The following USP7 variants were observed in gnomAD, a reference collection of about 807,000 sequenced individuals.
USP7 encodes ubiquitin C-terminal hydrolase 7.
A neutral mutation model predicts 162.9 loss-of-function variants in USP7; 9 were observed. The observed-to-expected ratio is 0.06, with a 90% CI of 0.03 to 0.10. The LOEUF is 0.10. Among genes scored for constraint, USP7 ranks in the 10% least tolerant of loss-of-function variants. The pLI is 1.00. For missense variants in USP7, 715 were observed against 1,373.7 expected (o/e 0.52, Z 7.58); for synonymous variants, 562 against 475.9 (o/e 1.18, Z -2.35).
At chr16:8,897,900 A>AAAAAG (rs923825075) in intron 25 of USP7, among the ~76,000 whole-genome samples, 35 of 150,724 alleles carry the variant, frequency 2.3e-4, no homozygotes, top group Non-Finnish European at 4.7e-4. Context: ...CCCTGTCTCG[A>AAAAAG]AAAAGAACCA....
intron 1 of USP7, chr16:8,936,549 A>G: frequency 6.6e-7 from 1 of 1,506,640 alleles, no homozygotes; most frequent in Non-Finnish European, 8.8e-7. Flanking sequence ...ATCCATCACC[A>G]GCATAAGGAG....
chr16:8,896,951 C>T (rs371792821), intron 26 of USP7, 48 bp downstream of exon 26: 48 of 1,448,722 alleles, frequency 3.3e-5, no homozygotes, highest in Middle Eastern at 1.7e-4. Flanking sequence ...TCAGCGTTAA[C>T]TGCCACCCCT....
chr16:8,920,261 T>G, intron 5 of USP7, 98 bp downstream of exon 5: 1 of 1,042,388 alleles, frequency 9.6e-7, no homozygotes, highest in Non-Finnish European at 1.4e-6. Context: ...GGAGGCTTAC[T>G]GATTAAATAT....
intron 1 of USP7, 37 bp downstream of exon 1, chr16:8,963,170 C>A: frequency 7.2e-7 from 1 of 1,382,458 alleles, no homozygotes; most frequent in South Asian, 1.3e-5. Flanking sequence ...ATGAAAGGCG[C>A]CCCCCGGCCC....
chr16:8,952,932 GTTCAAGCGA>G (rs1899625104), intron 1 of USP7, among the ~76,000 whole-genome samples: 1 of 152,020 alleles, frequency 6.6e-6, no homozygotes, highest in Non-Finnish European at 1.5e-5. Flanking sequence ...CGCTTCCTGG[GTTCAAGCGA>G]TTCTCCTGCC....
intron 2 of USP7, among the ~76,000 whole-genome samples, chr16:8,924,985 G>A (rs905881592): frequency 1.3e-5 from 2 of 152,198 alleles, no homozygotes; most frequent in African/African-American, 4.8e-5. Context: ...TTTGAGGATA[G>A]AAGTCTACTA....
chr16:8,899,718 T>C lies in USP7; in HGVS notation c.2349A>G (p.Ala783=), dbSNP rs771576964. Residue 783 remains alanine (A), a synonymous_variant, in exon 22 of 31, where the codon GCA becomes GCG. Transcript: ENST00000344836. The part of the protein sequence containing the change: ...PENDNSELPT[A]KEYFRDLYHR... ...GGTAGAGATCTCGGAAATACTCCTTTGCGGTGGGTAATTCACTGTTATCAT... is the reference window on the plus strand; with the variant it reads ...GGTAGAGATCTCGGAAATACTCCTTCGCGGTGGGTAATTCACTGTTATCAT... The C allele has an allele frequency of 2.5e-6, 4 of 1,614,190 alleles. No individual in the cohort carries two copies. Among genetic ancestry groups the C allele is most frequent in the Middle Eastern group, 3.3e-4 (2 of 6,062 alleles).
chr16:8,911,616 C>G (rs535139692), intron 10 of USP7, among the ~76,000 whole-genome samples: 3 of 152,304 alleles, frequency 2.0e-5, no homozygotes, highest in Non-Finnish European at 4.4e-5. Context: ...CGTGATGGGC[C>G]CAGCTCTGCT....
At position 8,899,814 on chromosome 16, in the gene USP7, G is replaced by A. The variant is rs930739355; in HGVS notation, c.2310-57C>T. The A allele has an allele frequency of 6.3e-6, 10 of 1,590,262 alleles. 1 individual carries two copies. In the South Asian group the frequency reaches 8.8e-5, roughly 14 times the overall value. ...CAAAGTCCATGGCAGGGGGTAGCTG[G>A]TAAAAATGGCATCATCTTTTACACA... On this transcript the variant is annotated intron_variant, in intron 21 of 30. Transcript: ENST00000344836.
At chr16:8,928,801 C>G (rs908537071) in intron 2 of USP7, among the ~76,000 whole-genome samples, 1 of 152,210 alleles carries the variant, frequency 6.6e-6, no homozygotes, top group African/African-American at 2.4e-5. Context: ...CCACTGTCTA[C>G]TAATTTAGTG....
intron 1 of USP7, among the ~76,000 whole-genome samples, chr16:8,960,192 C>T (rs888106231): frequency 2.0e-5 from 3 of 152,176 alleles, no homozygotes; most frequent in Non-Finnish European, 2.9e-5. Context: ...ATCATGCCAC[C>T]ACCTCCACAG....
chr16:8,926,952 T>G (rs2437713), intron 2 of USP7, among the ~76,000 whole-genome samples: 139,719 of 152,284 alleles, frequency 0.92, 64,250 homozygotes, highest in East Asian at 1. Flanking sequence ...GTTCCCACTG[T>G]GCACTTTGTT....
chr16:8,961,504 A>AAGGGGG (rs558975663), intron 1 of USP7, among the ~76,000 whole-genome samples: 1 of 60,562 alleles, frequency 1.7e-5, no homozygotes, highest in Non-Finnish European at 3.1e-5. Flanking sequence ...AAAAAAAAAA[A>AAGGGGG]GGGGGGGGGG....
chr16:8,939,753 T>C (rs887982348), intron 1 of USP7, among the ~76,000 whole-genome samples: 2 of 152,210 alleles, frequency 1.3e-5, no homozygotes, highest in Admixed American at 1.3e-4. Context: ...ATTACGTGGG[T>C]AAGTTTAATA....
chr16:8,955,222 T>TAATATTAATGCA (rs1899738277), intron 1 of USP7, among the ~76,000 whole-genome samples: 1 of 152,246 alleles, frequency 6.6e-6, no homozygotes, highest in South Asian at 2.1e-4. Flanking sequence ...CTCGTTTTTT[T>TAATATTAATGCA]ACATATTAAT....
intron 13 of USP7, among the ~76,000 whole-genome samples, chr16:8,905,614 T>G (rs142571297): frequency 1.3e-5 from 2 of 152,194 alleles, no homozygotes; most frequent in South Asian, 4.1e-4. Flanking sequence ...TCTACTGAAA[T>G]AGCCCATTTT....
chr16:8,915,151 CTG>C (rs2062009178), intron 10 of USP7, 101 bp downstream of exon 10: 1 of 1,089,608 alleles, frequency 9.2e-7, no homozygotes, highest in East Asian at 2.4e-5. Context: ...GAGCCATTCT[CTG>C]TGTTTAGACT....
At chr16:8,938,378 C>T (rs1477868422) in intron 1 of USP7, among the ~76,000 whole-genome samples, 3 of 151,582 alleles carry the variant, frequency 2.0e-5, no homozygotes, top group African/African-American at 7.3e-5. Context: ...ATAATACAGT[C>T]AAGTCTTCCA....
At chr16:8,903,450 AAT>A (rs1482305829) in intron 15 of USP7, 48 bp from the exon 16 acceptor site, 10 of 1,595,782 alleles carry the variant, frequency 6.3e-6, no homozygotes, top group Non-Finnish European at 8.6e-6. Context: ...ACTGACAAAA[AAT>A]GAGTCCACAC....
Sources: gnomAD v4.1 joint callset for allele counts (sites outside exome capture counted in the v4.1 genomes callset) on GRCh38, gnomAD v4.1.1 for gene constraint, MANE v1.5 for transcripts, NCBI Gene and HGNC (gene_info 2026-07-23, HGNC 2026-07-21) for gene names.